Variants in H1-4 observed in about 807,000 individuals in gnomAD.
The protein encoded by H1-4 is H1.4 linker histone, cluster member.
H1-4 carries 9 observed loss-of-function variants against 7.2 expected under a neutral mutation model. That is an observed-to-expected ratio of 1.25 (90% CI 0.75 to 2.18). H1-4 has a LOEUF of 2.18. H1-4 is among the 30% of genes most tolerant of loss of function. H1-4 has a pLI of 0.00. For missense variants in H1-4, 646 were observed against 287.9 expected, an observed-to-expected ratio of 2.24 and a Z score of -9.00; for synonymous variants, 318 against 126.6, an observed-to-expected ratio of 2.51 and a Z score of -10.15.
chr6:26,156,377 C>T lies in H1-4; in HGVS notation c.-14C>T, dbSNP rs747063072. 2.6e-6 allele frequency: 4 copies of T among 1,544,630 alleles called. No homozygotes were observed. The highest frequency in any genetic ancestry group is 3.5e-6 in the Non-Finnish European group (4 of 1,149,936). On this transcript the variant is annotated 5_prime_UTR_variant, in exon 1 of 1. It adds an upstream start codon to the 5' untranslated region. Transcript: ENST00000304218. Reference sequence around the variant, plus strand: ...TTCCGGCTCGAATTGCTCTCGCTCACGCTTGCCTTCAACATGTCCGAGACT... The same window carrying T: ...TTCCGGCTCGAATTGCTCTCGCTCATGCTTGCCTTCAACATGTCCGAGACT...
Position 26,156,358 on chromosome 6 carries a change from C to A in H1-4, c.-33C>A. 1 of 1,517,200 alleles carries A rather than the reference C, an allele frequency of 6.6e-7. No homozygotes were observed. The highest frequency in any genetic ancestry group is 8.8e-7 in the Non-Finnish European group (1 of 1,137,642). 94.0% of individuals were successfully genotyped at this position (1,517,200 alleles called of 1,614,324 possible). A position where few individuals can be genotyped will look rare whatever the true frequency, so the allele number is the denominator to read the frequency against. On this transcript the variant is annotated 5_prime_UTR_variant, in exon 1 of 1. Transcript: ENST00000304218. ...TCCCGGCCAGTGCCTCTGCTTCCGGCTCGAATTGCTCTCGCTCACGCTTGC... is the reference window on the plus strand; with the variant it reads ...TCCCGGCCAGTGCCTCTGCTTCCGGATCGAATTGCTCTCGCTCACGCTTGC...
Position 26,156,451 on chromosome 6 carries a change from A to G in H1-4, c.61A>G (p.Lys21Glu). The change falls in exon 1 of 1, where the codon AAG (lysine) becomes GAG (glutamate). Residue 21 changes from lysine (K) to glutamate (E), a missense_variant. Transcript: ENST00000304218. ...GGCCCCTGCCGAGAAGACTCCCGTG[A>G]AGAAGAAGGCCCGCAAGTCTGCAGG... ...APAPAEKTPV[K>E]KKARKSAGAA... The G allele has an allele frequency of 6.2e-7, 1 of 1,611,130 alleles. No homozygotes were observed. The highest frequency in any genetic ancestry group is 8.5e-7 in the Non-Finnish European group (1 of 1,178,808).
Position 26,156,764 on chromosome 6 carries a change from C to G in H1-4, c.374C>G (p.Ala125Gly), listed in dbSNP as rs568463058. The stretch of plus-strand genomic sequence containing the variant: ...AAGCCTAAGGCTAAAAAGGCAGGCG[C>G]GGCCAAGGCCAAGAAGCCAGCAGGA... ...EAKPKAKKAG[A>G]AKAKKPAGAA... The change falls in exon 1 of 1, where the codon GCG becomes GGG. Residue 125 changes from alanine (A) to glycine (G), a missense_variant. Transcript: ENST00000304218. 3 of 1,613,490 alleles carry G rather than the reference C, an allele frequency of 1.9e-6. No homozygotes were observed. Among genetic ancestry groups the G allele is most frequent in the East Asian group, 2.2e-5 (1 of 44,856 alleles).
Position 26,156,944 on chromosome 6 carries a change from C to G in H1-4, c.554C>G (p.Pro185Arg), listed in dbSNP as rs760459487. The G allele has an allele frequency of 9.3e-6, 15 of 1,612,356 alleles. No homozygotes were observed. The highest frequency in any genetic ancestry group is 1.3e-5 in the Non-Finnish European group (15 of 1,179,880). Residue 185 changes from proline (P) to arginine (R), a missense_variant, in exon 1 of 1, where the codon CCC becomes CGC. By Grantham distance (103) the Pro-to-Arg change is moderately radical. Coordinates refer to ENST00000304218, the MANE Select transcript of H1-4 (RefSeq NM_005321.3). Reference sequence around the variant, plus strand: ...AAAGCAGCCAAGCCAAAAAAGGCGCCCAAGAGCCCAGCGAAGGCCAAAGCA... The same window carrying G: ...AAAGCAGCCAAGCCAAAAAAGGCGCGCAAGAGCCCAGCGAAGGCCAAAGCA... Reference protein sequence around the residue: ...KAKAAKPKKAPKSPAKAKAVK... With the variant: ...KAKAAKPKKARKSPAKAKAVK...
rs781732924 is a variant in H1-4 at position 26,156,989 on chromosome 6, A to T, written c.599A>T (p.Lys200Ile). 1 of 1,605,214 alleles carries T rather than the reference A, an allele frequency of 6.2e-7. No individual in the cohort carries two copies. The highest frequency in any genetic ancestry group is 1.1e-5 in the South Asian group (1 of 89,702). Residue 200 changes from lysine to isoleucine, a missense_variant, in exon 1 of 1, where the codon AAA becomes ATA. Physicochemically the swap from Lys to Ile is moderately radical, Grantham distance 102 (BLOSUM62 -3). Coordinates refer to ENST00000304218, the MANE Select transcript of H1-4 (RefSeq NM_005321.3). ...KAKAVKPKAA[K>I]PKTAKPKAAK... ...AAAGCAGTTAAACCCAAGGCGGCTA[A>T]ACCAAAGACCGCCAAGCCCAAGGCA... is the stretch of plus-strand genomic sequence containing the variant.
In H1-4 at chr6:26,156,936, A is replaced by G. The variant is rs1764202158; in HGVS notation, c.546A>G (p.Lys182=). 1.9e-6 allele frequency: 3 copies of G among 1,612,362 alleles called. No homozygotes were observed. The highest frequency in any genetic ancestry group is 1.1e-5 in the South Asian group (1 of 91,024). The change falls in exon 1 of 1, where the codon AAA becomes AAG. Residue 182 remains lysine (K), a synonymous_variant. Transcript: ENST00000304218. ...AAAAGGCGAAAGCAGCCAAGCCAAA[A>G]AAGGCGCCCAAGAGCCCAGCGAAGG... is the stretch of plus-strand genomic sequence containing the variant. The part of the protein sequence containing the change: ...SPKKAKAAKP[K]KAPKSPAKAK...
Position 26,156,676 on chromosome 6 carries a change from A to G in H1-4, c.286A>G (p.Thr96Ala). ...GGTGAGCAAGGGCACCCTGGTGCAG[A>G]CCAAGGGCACCGGCGCGTCGGGTTC... Reference protein sequence around the residue: ...SLVSKGTLVQTKGTGASGSFK... With the variant: ...SLVSKGTLVQAKGTGASGSFK... Residue 96 changes from threonine (T) to alanine (A), a missense_variant, in exon 1 of 1, where the codon ACC (threonine) becomes GCC (alanine). Transcript: ENST00000304218. 7 of 1,614,184 alleles carry G rather than the reference A, an allele frequency of 4.3e-6. No individual in the cohort carries two copies. Among genetic ancestry groups the G allele is most frequent in the South Asian group, 1.1e-5 (1 of 91,084 alleles).
Position 26,156,512 on chromosome 6 carries a change from C to T in H1-4, c.122C>T (p.Ser41Phe). ...AKRKASGPPV[S>F]ELITKAVAAS... Reference sequence around the variant, plus strand: ...CGCAAAGCGTCTGGGCCCCCGGTGTCCGAGCTCATTACTAAAGCTGTTGCC... The same window carrying T: ...CGCAAAGCGTCTGGGCCCCCGGTGTTCGAGCTCATTACTAAAGCTGTTGCC... The change falls in exon 1 of 1, where the codon TCC (serine) becomes TTC (phenylalanine). Residue 41 changes from serine to phenylalanine, a missense_variant. Ser to Phe is a radical substitution (Grantham distance 155, BLOSUM62 -2). Transcript: ENST00000304218. 1 of 1,613,854 alleles carries T rather than the reference C, an allele frequency of 6.2e-7. No individual in the cohort carries two copies. Among genetic ancestry groups the T allele is most frequent in the Non-Finnish European group, 8.5e-7 (1 of 1,179,970 alleles).
chr6:26,156,998 C>CCGT lies in H1-4; in HGVS notation c.610_611insTCG (p.Thr203_Ala204insVal), dbSNP rs779385391. 6.3e-6 allele frequency: 10 copies of CCGT among 1,599,920 alleles called. No homozygotes were observed. Among genetic ancestry groups the CCGT allele is most frequent in the Non-Finnish European group, 7.6e-6 (9 of 1,176,606 alleles). On this transcript the variant is annotated inframe_insertion, in exon 1 of 1. Transcript: ENST00000304218. ...AAACCCAAGGCGGCTAAACCAAAGA[C>CCGT]CGCCAAGCCCAAGGCAGCCAAGCCA...
rs563531168 is a variant in H1-4, at chr6:26,156,618, C to G, written c.228C>G (p.Asn76Lys). The change falls in exon 1 of 1, where the codon AAC becomes AAG. Residue 76 changes from asparagine to lysine, a missense_variant. Physicochemically the swap from Asn to Lys is moderately conservative, Grantham distance 94. Coordinates refer to ENST00000304218, the MANE Select transcript of H1-4 (RefSeq NM_005321.3). ...CCGCTGGCTATGACGTGGAGAAGAA[C>G]AACAGCCGCATCAAGCTGGGTCTCA... ...LAAAGYDVEK[N>K]NSRIKLGLKS... 1 of 1,614,250 alleles carries G rather than the reference C, an allele frequency of 6.2e-7. No homozygotes were observed. The highest frequency in any genetic ancestry group is 1.7e-5 in the Admixed American group (1 of 60,032).
chr6:26,157,061 T>C lies in H1-4; in HGVS notation c.*11T>C. The C allele has an allele frequency of 1.3e-6, 2 of 1,577,778 alleles. No homozygotes were observed. Among genetic ancestry groups the C allele is most frequent in the African/African-American group, 1.4e-5 (1 of 72,528 alleles). On this transcript the variant is annotated 3_prime_UTR_variant, in exon 1 of 1. Coordinates refer to ENST00000304218, the MANE Select transcript of H1-4 (RefSeq NM_005321.3). ...GCCAAGAAAAAGTAGAAAGTTCCTT[T>C]GGCCAACTGCTTAGAAGCCCAACAC...
rs376392622 is a variant in H1-4 at position 26,157,066 on chromosome 6, A to T, written c.*16A>T. 6.3e-7 allele frequency: 1 copy of T among 1,576,036 alleles called. No individual in the cohort carries two copies. Among genetic ancestry groups the T allele is most frequent in the Non-Finnish European group, 8.5e-7 (1 of 1,169,958 alleles). On this transcript the variant is annotated 3_prime_UTR_variant, in exon 1 of 1. Transcript: ENST00000304218. ...GAAAAAGTAGAAAGTTCCTTTGGCCAACTGCTTAGAAGCCCAACACAACCC... is the reference window on the plus strand; with the variant it reads ...GAAAAAGTAGAAAGTTCCTTTGGCCTACTGCTTAGAAGCCCAACACAACCC...
In H1-4 at chr6:26,156,434, C is replaced by T. The variant is rs986521398; in HGVS notation, c.44C>T (p.Ala15Val). The part of the protein sequence containing the change: ...APAAPAAPAP[A>V]EKTPVKKKAR... ...GCCGCGCCCGCTGCTCCGGCCCCTG[C>T]CGAGAAGACTCCCGTGAAGAAGAAG... The change falls in exon 1 of 1, where the codon GCC becomes GTC. Residue 15 changes from alanine (A) to valine (V), a missense_variant. Transcript: ENST00000304218. 6.8e-6 allele frequency: 11 copies of T among 1,607,486 alleles called. No homozygotes were observed. The African/African-American group carries it at 8.0e-5, about 12-fold the overall frequency.
At position 26,156,939 on chromosome 6, in the gene H1-4, G is replaced by T. The variant is rs771485309; in HGVS notation, c.549G>T (p.Lys183Asn). Residue 183 changes from lysine (K) to asparagine (N), a missense_variant, in exon 1 of 1, where the codon AAG (lysine) becomes AAT (asparagine). Physicochemically the swap from Lys to Asn is moderately conservative, Grantham distance 94. Coordinates refer to ENST00000304218, the MANE Select transcript of H1-4 (RefSeq NM_005321.3). ...AGGCGAAAGCAGCCAAGCCAAAAAA[G>T]GCGCCCAAGAGCCCAGCGAAGGCCA... ...PKKAKAAKPKKAPKSPAKAKA... is the reference protein window; with the variant it reads ...PKKAKAAKPKNAPKSPAKAKA... 2 of 1,612,372 alleles carry T rather than the reference G, an allele frequency of 1.2e-6. No homozygotes were observed. Among genetic ancestry groups the T allele is most frequent in the Non-Finnish European group, 1.7e-6 (2 of 1,179,836 alleles).
Position 26,156,956 on chromosome 6 carries a change from C to T in H1-4, c.566C>T (p.Ala189Val), listed in dbSNP as rs757852467. ...AKPKKAPKSP[A>V]KAKAVKPKAA... Reference sequence around the variant, plus strand: ...CCAAAAAAGGCGCCCAAGAGCCCAGCGAAGGCCAAAGCAGTTAAACCCAAG... The same window carrying T: ...CCAAAAAAGGCGCCCAAGAGCCCAGTGAAGGCCAAAGCAGTTAAACCCAAG... Residue 189 changes from alanine to valine, a missense_variant, in exon 1 of 1, where the codon GCG becomes GTG. Physicochemically the swap from Ala to Val is moderately conservative, Grantham distance 64. Transcript: ENST00000304218. The T allele has an allele frequency of 4.0e-5, 64 of 1,612,360 alleles. No individual in the cohort carries two copies. Among genetic ancestry groups the T allele is most frequent in the Middle Eastern group, 1.9e-4 (1 of 5,322 alleles).
chr6:26,157,115 A>G lies in H1-4; in HGVS notation c.*65A>G, dbSNP rs1048958865. ...CCAAAGGCTCTTTTCAGAGCCACCC[A>G]CCGCTCTCAGTAAAAGAGCTGTTGC... On this transcript the variant is annotated 3_prime_UTR_variant, in exon 1 of 1. Coordinates refer to ENST00000304218, the MANE Select transcript of H1-4 (RefSeq NM_005321.3). 11 of 1,531,234 alleles carry G rather than the reference A, an allele frequency of 7.2e-6. No individual in the cohort carries two copies. The highest frequency in any genetic ancestry group is 4.2e-5 in the African/African-American group (3 of 71,710). 94.9% of individuals were successfully genotyped at this position (1,531,234 alleles called of 1,614,324 possible).
In H1-4 at chr6:26,156,624, C is replaced by T. The variant is rs529430249; in HGVS notation, c.234C>T (p.Ser78=). ...AAGYDVEKNN[S]RIKLGLKSLV... is the part of the protein sequence containing the mutation. ...GCTATGACGTGGAGAAGAACAACAGCCGCATCAAGCTGGGTCTCAAGAGCC... is the reference window on the plus strand; with the variant it reads ...GCTATGACGTGGAGAAGAACAACAGTCGCATCAAGCTGGGTCTCAAGAGCC... Residue 78 remains serine, a synonymous_variant, in exon 1 of 1, where the codon AGC becomes AGT. Transcript: ENST00000304218. 10 of 1,614,240 alleles carry T rather than the reference C, an allele frequency of 6.2e-6. No individual in the cohort carries two copies. The highest frequency in any genetic ancestry group is 2.2e-5 in the East Asian group (1 of 44,878).
rs749308755 is a variant in H1-4, at chr6:26,156,772, G to T, written c.382G>T (p.Ala128Ser). 1.2e-5 allele frequency: 19 copies of T among 1,612,956 alleles called. No individual in the cohort carries two copies. Among genetic ancestry groups the T allele is most frequent in the Non-Finnish European group, 1.6e-5 (19 of 1,179,588 alleles). Reference sequence around the variant, plus strand: ...GGCTAAAAAGGCAGGCGCGGCCAAGGCCAAGAAGCCAGCAGGAGCGGCGAA... The same window carrying T: ...GGCTAAAAAGGCAGGCGCGGCCAAGTCCAAGAAGCCAGCAGGAGCGGCGAA... ...PKAKKAGAAKAKKPAGAAKKP... is the reference protein window; with the variant it reads ...PKAKKAGAAKSKKPAGAAKKP... Residue 128 changes from alanine to serine, a missense_variant, in exon 1 of 1, where the codon GCC (alanine) becomes TCC (serine). Ala to Ser is a moderately conservative substitution (Grantham distance 99). Coordinates refer to ENST00000304218, the MANE Select transcript of H1-4 (RefSeq NM_005321.3).
In H1-4 at chr6:26,156,365, T is replaced by C. The variant is rs772243164; in HGVS notation, c.-26T>C. ...CAGTGCCTCTGCTTCCGGCTCGAAT[T>C]GCTCTCGCTCACGCTTGCCTTCAAC... On this transcript the variant is annotated 5_prime_UTR_variant, in exon 1 of 1. Transcript: ENST00000304218. 4 of 1,522,932 alleles carry C rather than the reference T, an allele frequency of 2.6e-6. No individual in the cohort carries two copies. Among genetic ancestry groups the C allele is most frequent in the South Asian group, 2.5e-5 (2 of 78,638 alleles). The allele number at this position is 1,522,932 out of a possible 1,614,324, so 94.3% of individuals were successfully genotyped here.
Sources: allele counts gnomAD v4.1 joint callset, GRCh38; gene constraint gnomAD v4.1.1; transcripts MANE v1.5; gene names NCBI Gene and HGNC (gene_info 2026-07-23, HGNC 2026-07-21).